ZPBP: variants seen among roughly 807,000 people sequenced by gnomAD.
ZPBP encodes the protein zona pellucida binding protein, also known as zona pellucida-binding protein 1.
A neutral mutation model predicts 44.8 loss-of-function variants in ZPBP; 26 were observed. The observed-to-expected ratio is 0.58, with a 90% CI of 0.43 to 0.81. The LOEUF is 0.81. Ranked by LOEUF, ZPBP falls within the 30% of genes least tolerant of loss-of-function variation. The pLI is 0.00. For missense variants in ZPBP, 409 were observed against 434.0 expected, an observed-to-expected ratio of 0.94 and a Z score of 0.51; for synonymous variants, 174 against 153.2, an observed-to-expected ratio of 1.14 and a Z score of -1.00.
rs770487310 is a variant in ZPBP at position 49,866,226 on chromosome 7, G to A, written n.510-15712C>T. On this transcript the variant is annotated intron_variant and non_coding_transcript_variant, in intron 2 of 2. Coordinates refer to the ZPBP transcript ENST00000465922. The stretch of plus-strand genomic sequence containing the variant: ...AGCTGGGAGAACCAATAGACCCTTC[G>A]CCAGATGTGTTCACTGGGTATGCTT... 6.0e-4 allele frequency among the ~76,000 whole-genome samples: 91 copies of A among 152,114 alleles called. 2 individuals carry two copies. Among genetic ancestry groups the A allele is most frequent in the African/African-American group, 2.1e-3 (85 of 41,426 alleles).
At chr7:50,006,314 T>C (rs1798309847) in intron 6 of ZPBP, among the ~76,000 whole-genome samples, 1 of 151,962 alleles carries the variant, frequency 6.6e-6, no homozygotes, top group Non-Finnish European at 1.5e-5. Context: ...TATGACAAAA[T>C]ACTTTTTCCT....
intron 6 of ZPBP, among the ~76,000 whole-genome samples, chr7:50,001,913 T>A (rs896682786): frequency 1.3e-5 from 2 of 152,142 alleles, no homozygotes; most frequent in African/African-American, 4.8e-5. Context: ...TTTGTATGCA[T>A]GTATTTTTTT....
At chr7:49,996,124 G>C (rs552143024) in intron 6 of ZPBP, among the ~76,000 whole-genome samples, 4 of 152,026 alleles carry the variant, frequency 2.6e-5, no homozygotes, top group Non-Finnish European at 4.4e-5. Context: ...CATGTATCCC[G>C]TCAATATGTA....
chr7:50,004,530 CTAT>C (rs1435366990), intron 6 of ZPBP, among the ~76,000 whole-genome samples: 1 of 152,104 alleles, frequency 6.6e-6, no homozygotes, highest in Non-Finnish European at 1.5e-5. Context: ...AATAAACTCC[CTAT>C]TATAGATACA....
intron 7 of ZPBP, among the ~76,000 whole-genome samples, chr7:49,940,240 G>T (rs1012162930): frequency 2.0e-5 from 3 of 152,082 alleles, no homozygotes; most frequent in Admixed American, 2.0e-4. Flanking sequence ...GGCCTTTGCA[G>T]ATCTCATGGT....
intron 1 of ZPBP, among the ~76,000 whole-genome samples, chr7:49,930,169 C>A (rs1794399053): frequency 6.6e-6 from 1 of 152,122 alleles, no homozygotes; most frequent in African/African-American, 2.4e-5. Context: ...GGACTGGGGG[C>A]AAGAGTACAA....
intron 6 of ZPBP, among the ~76,000 whole-genome samples, chr7:50,012,474 C>G (rs746674461): frequency 2.0e-5 from 3 of 151,336 alleles, no homozygotes; most frequent in Non-Finnish European, 2.9e-5. Context: ...AAAACCTGAC[C>G]AAGACATTAC....
At chr7:49,842,976 G>T in the ZPBP span, among the ~76,000 whole-genome samples, 1 of 152,022 alleles carries the variant, frequency 6.6e-6, no homozygotes, top group Non-Finnish European at 1.5e-5. Context: ...GCTGAGGTTT[G>T]GGGTACAAGT....
intron 1 of ZPBP, chr7:49,918,286 C>T (rs935645649): frequency 3.3e-5 from 5 of 152,038 alleles, no homozygotes; most frequent in African/African-American, 4.8e-5. Flanking sequence ...TATCAGAGCC[C>T]GTGATTTGAA....
At chr7:50,034,893 G>A (rs1799761314) in intron 4 of ZPBP, among the ~76,000 whole-genome samples, 3 of 152,192 alleles carry the variant, frequency 2.0e-5, no homozygotes, top group African/African-American at 7.2e-5. Flanking sequence ...GTAAAAGGGG[G>A]ACTGAAGAAA....
rs771955717 is a variant in ZPBP, at chr7:49,970,466, C to CTTTTTTTTT, written c.961+12867_961+12875dup. Among the ~76,000 whole-genome samples, 11 of 85,214 alleles carry CTTTTTTTTT rather than the reference C, an allele frequency of 1.3e-4. 1 individual carries two copies. The highest frequency in any genetic ancestry group is 1.9e-4 in the African/African-American group (4 of 20,966). 55.9% of individuals were successfully genotyped at this position (85,214 alleles called of 152,430 possible). ...ACCCTCCACACAACAGCTGAATATACTTTTTTTTTTTTTTTTTTTTTTTTT... is the reference window on the plus strand; with the variant it reads ...ACCCTCCACACAACAGCTGAATATACTTTTTTTTTTTTTTTTTTTTTTTTTTTTTTTTTT... On this transcript the variant is annotated intron_variant, in intron 7 of 7. Coordinates refer to ENST00000046087, the MANE Select transcript of ZPBP (RefSeq NM_007009.3).
chr7:49,970,735 C>T (rs1255336380), intron 7 of ZPBP, among the ~76,000 whole-genome samples: 3 of 151,532 alleles, frequency 2.0e-5, no homozygotes, highest in African/African-American at 7.3e-5. Context: ...ATAAAAGCAG[C>T]CAGGTGCAGT....
downstream of ZPBP, among the ~76,000 whole-genome samples, chr7:49,847,157 G>T (rs1789974340): frequency 6.6e-5 from 10 of 151,432 alleles, no homozygotes; most frequent in Admixed American, 2.6e-4. Flanking sequence ...TCACTGCCAG[G>T]ATATAAGAAT....
intron 3 of ZPBP, among the ~76,000 whole-genome samples, chr7:50,075,355 T>C (rs1285176560): frequency 6.6e-6 from 1 of 151,710 alleles, no homozygotes; most frequent in Non-Finnish European, 1.5e-5. Flanking sequence ...CATTGCATCT[T>C]GCAGAACTAG....
At chr7:49,934,446 TA>T (rs11320275), downstream of ZPBP, among the ~76,000 whole-genome samples, 109,529 of 148,028 alleles carry the variant, frequency 0.74, 40,418 homozygotes, top group East Asian at 0.88. Context: ...ACAGAGGGTA[TA>T]AAAAAAAAAA....
At chr7:49,909,684 C>T (rs1038582978) in intron 1 of ZPBP, among the ~76,000 whole-genome samples, 6 of 152,038 alleles carry the variant, frequency 3.9e-5, no homozygotes, top group African/African-American at 1.2e-4. Flanking sequence ...GGAGCTCAAG[C>T]GAGAAAGTAC....
chr7:50,020,374 GTCTTT>G (rs1161781951), intron 5 of ZPBP, among the ~76,000 whole-genome samples: 1 of 152,000 alleles, frequency 6.6e-6, no homozygotes, highest in Non-Finnish European at 1.5e-5. Context: ...GAAATATAAG[GTCTTT>G]TCTTATCTAT....
chr7:49,869,603 A>G (rs1168372275), intron 2 of ZPBP, among the ~76,000 whole-genome samples: 1 of 152,216 alleles, frequency 6.6e-6, no homozygotes, highest in Non-Finnish European at 1.5e-5. Flanking sequence ...TGGCTAAGGA[A>G]TTAAAAAATA....
chr7:50,005,585 T>C (rs1030202998), intron 6 of ZPBP, among the ~76,000 whole-genome samples: 9 of 152,108 alleles, frequency 5.9e-5, no homozygotes, highest in Admixed American at 5.9e-4. Context: ...TAAGATGTTC[T>C]ATCTAATGCC....
Sources: allele counts gnomAD v4.1 joint callset (sites outside exome capture counted in the v4.1 genomes callset), GRCh38; gene constraint gnomAD v4.1.1; transcripts MANE v1.5; gene names NCBI Gene and HGNC (gene_info 2026-07-23, HGNC 2026-07-21).